The following CASZ1 variants were observed in gnomAD, a reference collection of about 807,000 sequenced individuals.
CASZ1 encodes the protein castor zinc finger 1.
Under a neutral mutation model 135.2 loss-of-function variants are expected in CASZ1, and 28 were observed. The ratio of observed to expected loss-of-function variants is 0.21; its 90% CI spans 0.15 to 0.28. The LOEUF (loss-of-function observed/expected upper bound fraction) is 0.28. Ranked by LOEUF, CASZ1 falls within the 10% of genes least tolerant of loss-of-function variation. The pLI is 1.00. For missense variants in CASZ1, 2,161 were observed against 2,453.3 expected (o/e 0.88, Z 2.52); for synonymous variants, 1,068 against 1,073.4 (o/e 0.99, Z 0.10).
chr1:10,639,457 C>T lies in CASZ1; in HGVS notation c.4765G>A (p.Asp1589Asn), dbSNP rs1411627541. The T allele has an allele frequency of 1.9e-6, 3 of 1,602,144 alleles. No individual in the cohort carries two copies. The Admixed American group carries it at 5.2e-5, about 28-fold the overall frequency. The change falls in exon 21 of 21, where the codon GAC becomes AAC. Residue 1589 changes from aspartate (D) to asparagine (N), a missense_variant. This residue lies in a region of CASZ1 where 240 missense variants were observed against 321.4 expected (regional missense o/e 0.75). Transcript: ENST00000377022. The surrounding 1 kb of genome is among the most constrained non-coding windows in gnomAD (Gnocchi z 4.0). Reference sequence around the variant, plus strand: ...TTCTCGTGCTTGCGCTTGTGCGAGTCCATCTGCGACATGCCCACCACCGTG... The same window carrying T: ...TTCTCGTGCTTGCGCTTGTGCGAGTTCATCTGCGACATGCCCACCACCGTG... The part of the protein sequence containing the change: ...RHTVVGMSQM[D>N]SHKRKHEKQE...
rs772313959 is a variant in CASZ1 at position 10,665,161 on chromosome 1, C to T, written c.427G>A (p.Gly143Ser). ...GAATCCTTCTCCTCCAGGGCACCGC[C>T]GTCCTTGGAGGGCTCCTCCGCGTGG... ...EDHAEEPSKD[G>S]GALEEKDSDG... Residue 143 changes from glycine (G) to serine (S), a missense_variant, in exon 5 of 21, where the codon GGC becomes AGC. By Grantham distance (56) the Gly-to-Ser change is moderately conservative. Transcript: ENST00000377022. 2.1e-5 allele frequency: 32 copies of T among 1,549,534 alleles called. No individual in the cohort carries two copies. In the South Asian group the frequency reaches 3.1e-4, roughly 15 times the overall value.
chr1:10,702,008 G>A (rs921391289), intron 3 of CASZ1, among the ~76,000 whole-genome samples: 5 of 152,214 alleles, frequency 3.3e-5, no homozygotes, highest in Admixed American at 6.5e-5. Flanking sequence ...CTTCCTTTGC[G>A]GACAGCAGGT....
intron 6 of CASZ1, 82 bp from the exon 7 acceptor site, chr1:10,658,658 C>T: frequency 8.2e-7 from 1 of 1,219,818 alleles, no homozygotes; most frequent in Non-Finnish European, 1.2e-6. Context: ...GCAGCCCCTG[C>T]CCTGAGGCCC....
At chr1:10,779,285 T>C (rs984686035) in intron 1 of CASZ1, among the ~76,000 whole-genome samples, 2 of 149,370 alleles carry the variant, frequency 1.3e-5, no homozygotes, top group Non-Finnish European at 3.0e-5. Flanking sequence ...TATAATTTTT[T>C]TTTTTTTTTT....
Position 10,655,714 on chromosome 1 carries a change from C to A in CASZ1, c.1600G>T (p.Asp534Tyr). 2 of 1,614,174 alleles carry A rather than the reference C, an allele frequency of 1.2e-6. No individual in the cohort carries two copies. The change falls in exon 9 of 21, where the codon GAC (aspartate) becomes TAC (tyrosine). Residue 534 changes from aspartate (D) to tyrosine (Y), a missense_variant. Asp to Tyr is a radical substitution (Grantham distance 160). Around this residue, in one of 7 missense-constraint regions of CASZ1, gnomAD observed 248 missense variants for 410.8 expected, o/e 0.60. Transcript: ENST00000377022. ...HGFMRFSPLD[D>Y]CSVYYHGCHL... The stretch of plus-strand genomic sequence containing the variant: ...CAGCCGTGGTAGTAGACGCTGCAGT[C>A]GTCCAGCGGGCTGAAACGCATGAAG...
chr1:10,728,144 T>A (rs374691741), intron 2 of CASZ1, among the ~76,000 whole-genome samples: 41 of 152,292 alleles, frequency 2.7e-4, no homozygotes, highest in African/African-American at 9.1e-4. Context: ...CTGTGGGCTA[T>A]CCCCATTGGC....
At chr1:10,795,938 C>G (rs1322981603) in intron 1 of CASZ1, among the ~76,000 whole-genome samples, 1 of 152,116 alleles carries the variant, frequency 6.6e-6, no homozygotes, top group Admixed American at 6.5e-5. Flanking sequence ...CAAGAGCCGG[C>G]TGGAGGGGTT....
chr1:10,649,224 C>G, intron 14 of CASZ1, 32 bp from the exon 15 acceptor site: 1 of 1,610,694 alleles, frequency 6.2e-7, no homozygotes, highest in Non-Finnish European at 8.5e-7. Flanking sequence ...AGAGGAGAGC[C>G]TGGGGCTCCA....
At chr1:10,731,821 G>A (rs1570535171) in intron 2 of CASZ1, among the ~76,000 whole-genome samples, 1 of 152,248 alleles carries the variant, frequency 6.6e-6, no homozygotes, top group East Asian at 1.9e-4. Flanking sequence ...CTATCAGAAA[G>A]GTTATGCGAA....
At chr1:10,790,692 T>C (rs1051899145) in intron 1 of CASZ1, among the ~76,000 whole-genome samples, 3 of 152,260 alleles carry the variant, frequency 2.0e-5, no homozygotes, top group Non-Finnish European at 2.9e-5. Flanking sequence ...GGGAGAATAT[T>C]CTTTTTAATT....
chr1:10,703,754 A>C (rs1404846858), intron 3 of CASZ1, among the ~76,000 whole-genome samples: 1 of 152,166 alleles, frequency 6.6e-6, no homozygotes, highest in Non-Finnish European at 1.5e-5. Context: ...GCCAGAGAGA[A>C]AATCATTAAC....
At chr1:10,704,274 A>G (rs1639122907) in intron 3 of CASZ1, 1 of 152,624 alleles carries the variant, frequency 6.6e-6, no homozygotes, top group African/African-American at 2.4e-5. Flanking sequence ...GGCCATGGTT[A>G]AGAGGAGGAC....
intron 2 of CASZ1, among the ~76,000 whole-genome samples, chr1:10,732,503 C>T (rs898726911): frequency 2.0e-5 from 3 of 152,010 alleles, no homozygotes; most frequent in Admixed American, 1.3e-4. Context: ...GCTTCAGCTG[C>T]GATGATTCTC....
chr1:10,690,055 G>T (rs2100395426), intron 4 of CASZ1, among the ~76,000 whole-genome samples: 1 of 152,338 alleles, frequency 6.6e-6, no homozygotes, highest in East Asian at 1.9e-4. Flanking sequence ...GCTGGCCCCA[G>T]CTTAGACTGG....
At chr1:10,752,101 CGG>C (rs1222190251) in intron 2 of CASZ1, among the ~76,000 whole-genome samples, 2 of 152,182 alleles carry the variant, frequency 1.3e-5, no homozygotes, top group Non-Finnish European at 2.9e-5. Context: ...GGAGCTAGCA[CGG>C]GCTGCCCAGT....
chr1:10,638,946 G>A lies in CASZ1; in HGVS notation c.5276C>T (p.Pro1759Leu), dbSNP rs2124660428. Residue 1759 changes from proline to leucine, a missense_variant, in exon 21 of 21, where the codon CCC becomes CTC. By Grantham distance (98) the Pro-to-Leu change is moderately conservative (BLOSUM62 -3). Around this residue, in one of 7 missense-constraint regions of CASZ1, gnomAD observed 185 missense variants for 134.7 expected, o/e 1.37. Transcript: ENST00000377022. The surrounding 1 kb of genome is among the most constrained non-coding windows in gnomAD (Gnocchi z 5.9). ...CAGGGCCACCCGCGGGCGCCGCTAG[G>A]GCGAGGAGGCTGCAGTGGGCGCGGG... ...PGPAPTAASSP is the reference protein window; with the variant it reads ...PGPAPTAASSL The A allele has an allele frequency of 2.0e-6, 2 of 980,774 alleles. No homozygotes were observed. The highest frequency in any genetic ancestry group is 5.2e-4 in the Middle Eastern group (1 of 1,910). 60.8% of individuals were successfully genotyped at this position (980,774 alleles called of 1,614,324 possible). A position where few individuals can be genotyped will look rare whatever the true frequency, so the allele number is the denominator to read the frequency against.
intron 1 of CASZ1, among the ~76,000 whole-genome samples, chr1:10,792,546 C>T (rs1320062750): frequency 1.3e-5 from 2 of 151,948 alleles, no homozygotes; most frequent in Non-Finnish European, 2.9e-5. Context: ...CCCAAAGGAT[C>T]ATTAGGAAAT....
intron 1 of CASZ1, among the ~76,000 whole-genome samples, chr1:10,785,400 C>A (rs1376339314): frequency 6.6e-6 from 1 of 152,118 alleles, no homozygotes; most frequent in Admixed American, 6.6e-5. Flanking sequence ...AATTAACCTG[C>A]TCCCAGATCT....
At chr1:10,738,918 G>GTTTT (rs752101102) in intron 2 of CASZ1, among the ~76,000 whole-genome samples, 14 of 69,166 alleles carry the variant, frequency 2.0e-4, no homozygotes, top group African/African-American at 3.0e-4. Context: ...ATGAAGGAAG[G>GTTTT]TTTTTTTTTT....
Sources: allele counts gnomAD v4.1 joint callset (sites outside exome capture counted in the v4.1 genomes callset), GRCh38; gene constraint gnomAD v4.1.1; regional missense constraint gnomAD v4.1.1; non-coding constraint Gnocchi (gnomAD v3.1); transcripts MANE v1.5; gene names NCBI Gene and HGNC (gene_info 2026-07-23, HGNC 2026-07-21).